Variants in SEC14L1 observed in about 807,000 individuals in gnomAD.
SEC14L1 encodes the protein SEC14 like lipid binding 1.
Under a neutral mutation model 85.3 loss-of-function variants are expected in SEC14L1, and 48 were observed. That is an observed-to-expected ratio of 0.56 (90% CI 0.45 to 0.72). SEC14L1 has a LOEUF of 0.72. Among genes scored for constraint, SEC14L1 ranks in the 30% least tolerant of loss-of-function variants. The probability of loss-of-function intolerance (pLI) is 0.00; values close to 1 mark genes in which losing one functional copy is unlikely to be tolerated. For missense variants in SEC14L1, 682 were observed against 921.4 expected (o/e 0.74, Z 3.36); for synonymous variants, 391 against 355.5 (o/e 1.10, Z -1.12).
intron 3 of SEC14L1, among the ~76,000 whole-genome samples, chr17:77,132,725 CTT>C (rs879393975): frequency 1.3e-5 from 2 of 152,132 alleles, no homozygotes; most frequent in Non-Finnish European, 2.9e-5. Context: ...AGCATTATCT[CTT>C]GTTTCTTTTG....
At chr17:77,196,336 G>A (rs775449330) in intron 8 of SEC14L1, 25 bp downstream of exon 8, 19 of 1,383,838 alleles carry the variant, frequency 1.4e-5, no homozygotes, top group Admixed American at 7.0e-5. Flanking sequence ...CACACCCAGT[G>A]TGCAGGGCCA....
intron 2 of SEC14L1, among the ~76,000 whole-genome samples, chr17:77,090,503 A>AT (rs1280234959): frequency 8.7e-6 from 1 of 114,680 alleles, no homozygotes; most frequent in African/African-American, 4.0e-5. Context: ...TTTTTTAATT[A>AT]TTAAAAAAAA....
At chr17:77,156,843 C>T (rs1948200763) in intron 3 of SEC14L1, among the ~76,000 whole-genome samples, 1 of 152,148 alleles carries the variant, frequency 6.6e-6, no homozygotes, top group South Asian at 2.1e-4. Context: ...TATAATCCCT[C>T]TAGTTGCCTG....
intron 3 of SEC14L1, among the ~76,000 whole-genome samples, chr17:77,119,544 A>G (rs8079872): frequency 0.34 from 51,894 of 151,980 alleles, 9,328 homozygotes; most frequent in African/African-American, 0.45. Context: ...TCAAGGAGGT[A>G]ATAAGCTCTC....
chr17:77,101,082 G>T (rs983085516), intron 3 of SEC14L1, among the ~76,000 whole-genome samples: 2 of 152,132 alleles, frequency 1.3e-5, no homozygotes, highest in Non-Finnish European at 2.9e-5. Context: ...TCCCAATCTT[G>T]CCAGTCTCTA....
intron 3 of SEC14L1, among the ~76,000 whole-genome samples, chr17:77,189,255 A>G (rs1322475145): frequency 6.6e-6 from 1 of 152,156 alleles, no homozygotes; most frequent in African/African-American, 2.4e-5. Context: ...CAGAGAACAG[A>G]GAGCAGATGG....
intron 11 of SEC14L1, among the ~76,000 whole-genome samples, chr17:77,205,910 G>T (rs182504276): frequency 1.3e-5 from 2 of 152,130 alleles, no homozygotes; most frequent in South Asian, 2.1e-4. Flanking sequence ...TGGCAGGTTG[G>T]GGGGTGGTTT....
intron 3 of SEC14L1, among the ~76,000 whole-genome samples, chr17:77,131,379 C>CCAGCCT (rs1216825721): frequency 6.6e-6 from 1 of 152,164 alleles, no homozygotes; most frequent in East Asian, 1.9e-4. Flanking sequence ...AAGCGATTCC[C>CCAGCCT]CAGCCTCAGC....
At chr17:77,147,365 A>T (rs1449759297) in intron 3 of SEC14L1, among the ~76,000 whole-genome samples, 5 of 147,564 alleles carry the variant, frequency 3.4e-5, no homozygotes, top group Non-Finnish European at 7.7e-5. Flanking sequence ...TTTTGAGGTC[A>T]GTACCATTAA....
intron 3 of SEC14L1, among the ~76,000 whole-genome samples, chr17:77,102,201 C>A (rs1971793519): frequency 6.6e-6 from 1 of 152,236 alleles, no homozygotes; most frequent in Admixed American, 6.5e-5. Flanking sequence ...GACAAATCTC[C>A]CGCTTTGATA....
chr17:77,196,391 G>A (rs1419331575), intron 8 of SEC14L1, 80 bp downstream of exon 8: 1 of 821,854 alleles, frequency 1.2e-6, no homozygotes, highest in Non-Finnish European at 2.0e-6. Flanking sequence ...TAGTCACCAA[G>A]AGTGATATTC....
intron 3 of SEC14L1, among the ~76,000 whole-genome samples, chr17:77,108,925 C>T (rs898763278): frequency 4.0e-5 from 6 of 151,806 alleles, no homozygotes; most frequent in Non-Finnish European, 7.4e-5. Context: ...CGGTTTCAAG[C>T]GAGTCTTCTG....
intron 2 of SEC14L1, among the ~76,000 whole-genome samples, chr17:77,091,422 C>G (rs767234725): frequency 3.4e-4 from 52 of 152,112 alleles, no homozygotes; most frequent in Non-Finnish European, 4.1e-4. Flanking sequence ...ATGATACAGA[C>G]AAATCTGTAA....
At position 77,211,933 on chromosome 17, in the gene SEC14L1, C is replaced by A. The variant is rs201897275; in HGVS notation, c.1612-17C>A. On this transcript the variant is annotated splice_polypyrimidine_tract_variant and intron_variant, in intron 14 of 16. Transcript: ENST00000436233. ...GTGCTCGTGGATCGTGGCTGCCTAACGCTGCCTCTTTTTCAGATTCTCATT... is the reference window on the plus strand; with the variant it reads ...GTGCTCGTGGATCGTGGCTGCCTAAAGCTGCCTCTTTTTCAGATTCTCATT... The A allele has an allele frequency of 1.2e-6, 2 of 1,611,718 alleles. No homozygotes were observed. The highest frequency in any genetic ancestry group is 2.2e-5 in the East Asian group (1 of 44,872).
intron 3 of SEC14L1, among the ~76,000 whole-genome samples, chr17:77,154,591 T>A (rs879397475): frequency 6.6e-6 from 1 of 151,948 alleles, no homozygotes; most frequent in Non-Finnish European, 1.5e-5. Flanking sequence ...ACCAGTCCCC[T>A]CCAGATACCG....
chr17:77,211,565 C>T (rs1447097042), intron 14 of SEC14L1: 1 of 187,146 alleles, frequency 5.3e-6, no homozygotes, highest in Non-Finnish European at 1.1e-5. Context: ...CCTGCTCTTT[C>T]TTTAGCTTTC....
intron 3 of SEC14L1, among the ~76,000 whole-genome samples, chr17:77,189,547 G>A (rs1209820952): frequency 3.3e-5 from 5 of 152,126 alleles, no homozygotes; most frequent in African/African-American, 1.2e-4. Flanking sequence ...TGTATTCTAG[G>A]CACTAGTCCT....
At chr17:77,112,353 T>C (rs141623983) in intron 3 of SEC14L1, among the ~76,000 whole-genome samples, 195 of 152,252 alleles carry the variant, frequency 1.3e-3, no homozygotes, top group African/African-American at 4.5e-3. Context: ...CACAGGTATA[T>C]AATAAAAAGT....
At chr17:77,144,705 T>G (rs1358333005) in intron 3 of SEC14L1, 1 of 152,242 alleles carries the variant, frequency 6.6e-6, no homozygotes. Context: ...CTCCATCTCC[T>G]GGGTTCAAGC....
Sources: gnomAD v4.1 joint callset for allele counts (sites outside exome capture counted in the v4.1 genomes callset) on GRCh38, gnomAD v4.1.1 for gene constraint, MANE v1.5 for transcripts, NCBI Gene and HGNC (gene_info 2026-07-23, HGNC 2026-07-21) for gene names.